Variants in NOS1 observed in about 807,000 individuals in gnomAD.
NOS1 encodes the protein NOS type I.
In NOS1, 51 loss-of-function variants were observed where a neutral mutation model predicts 164.5. The ratio of observed to expected loss-of-function variants is 0.31; its 90% confidence interval spans 0.25 to 0.39. The LOEUF (loss-of-function observed/expected upper bound fraction) is 0.39. NOS1 is among the 10% of genes least tolerant of loss of function. NOS1 has a pLI of 1.00. For missense variants in NOS1, 1,362 were observed against 1,885.6 expected, an observed-to-expected ratio of 0.72 and a Z score of 5.14; for synonymous variants, 719 against 745.8, an observed-to-expected ratio of 0.96 and a Z score of 0.59.
chr12:117,316,944 G>A (rs1044789704), intron 2 of NOS1, among the ~76,000 whole-genome samples: 1 of 152,106 alleles, frequency 6.6e-6, no homozygotes, highest in Non-Finnish European at 1.5e-5. Flanking sequence ...GCAGTGGCAC[G>A]ATCTCAGCTT....
intron 27 of NOS1, among the ~76,000 whole-genome samples, chr12:117,219,684 C>T (rs1956669923): frequency 6.6e-6 from 1 of 152,102 alleles, no homozygotes; most frequent in Non-Finnish European, 1.5e-5. Context: ...ACTAAAGAGA[C>T]TGAGTATATA....
chr12:117,257,607 C>CTTTTTT (rs151304592), intron 16 of NOS1, among the ~76,000 whole-genome samples: 10 of 99,128 alleles, frequency 1.0e-4, no homozygotes, highest in Non-Finnish European at 1.3e-4. Flanking sequence ...TTGATTTTAG[C>CTTTTTT]TTTTTTTTTT....
At position 117,226,868 on chromosome 12, in the gene NOS1, G is replaced by A. The variant is rs1010170781; in HGVS notation, c.3617-98C>T. On this transcript the variant is annotated intron_variant, in intron 23 of 28. Coordinates refer to ENST00000317775, the MANE Select transcript of NOS1 (RefSeq NM_000620.5). The stretch of plus-strand genomic sequence containing the variant: ...AAAATACCCACAGGCCCAGTGCCAA[G>A]TTTATCCTTTGGAATTCCTCCCCAG... 15 of 893,136 alleles carry A rather than the reference G, an allele frequency of 1.7e-5. No homozygotes were observed. In the East Asian group the frequency reaches 3.4e-4, roughly 20 times the overall value. The allele number at this position is 893,136 out of a possible 1,614,324, so 55.3% of individuals were successfully genotyped here. A position where few individuals can be genotyped will look rare whatever the true frequency, so the allele number is the denominator to read the frequency against.
Position 117,209,114 on chromosome 12 carries a change from C to A in NOS1, c.*6195G>T, listed in dbSNP as rs778897212. Reference sequence around the variant, plus strand: ...CTTTGGCAGCAGATAATGGAAACAACCACTGGGCTAGGCAAAGTTTCTGCT... The same window carrying A: ...CTTTGGCAGCAGATAATGGAAACAAACACTGGGCTAGGCAAAGTTTCTGCT... On this transcript the variant is annotated 3_prime_UTR_variant, in exon 29 of 29. Coordinates refer to ENST00000317775, the MANE Select transcript of NOS1 (RefSeq NM_000620.5). 2.0e-6 allele frequency: 2 copies of A among 985,356 alleles called. No individual in the cohort carries two copies. Among genetic ancestry groups the A allele is most frequent in the Non-Finnish European group, 2.4e-6 (2 of 829,920 alleles). The allele number at this position is 985,356 out of a possible 1,614,324, so 61.0% of individuals were successfully genotyped here.
intron 1 of NOS1, among the ~76,000 whole-genome samples, chr12:117,341,920 T>C (rs1184535153): frequency 6.6e-6 from 1 of 152,146 alleles, no homozygotes; most frequent in Non-Finnish European, 1.5e-5. Context: ...ATTTTTAGAG[T>C]CACTTTAGAT....
chr12:117,236,895 C>T (rs780874998), intron 20 of NOS1, among the ~76,000 whole-genome samples: 4 of 152,198 alleles, frequency 2.6e-5, no homozygotes, highest in Admixed American at 1.3e-4. Flanking sequence ...GGCATGGGAA[C>T]GTGGCTGGCA....
intron 11 of NOS1, 88 bp downstream of exon 11, chr12:117,267,955 G>T: frequency 1.1e-6 from 1 of 918,262 alleles, no homozygotes; most frequent in Non-Finnish European, 1.7e-6. Context: ...TTCTGGCAGT[G>T]AGGTCTCTTG....
Position 117,345,987 on chromosome 12 carries a change from G to C in NOS1, c.-420-14498C>G, listed in dbSNP as rs904518942. ...AATGAAGCAGCCCTGTGAGAGGTGAGAGGGAGCAGTGGGGACTGTAGAGAA... is the reference window on the plus strand; with the variant it reads ...AATGAAGCAGCCCTGTGAGAGGTGACAGGGAGCAGTGGGGACTGTAGAGAA... On this transcript the variant is annotated intron_variant, in intron 1 of 28. Coordinates refer to ENST00000317775, the MANE Select transcript of NOS1 (RefSeq NM_000620.5). Among the ~76,000 whole-genome samples, 17 of 152,372 alleles carry C rather than the reference G, an allele frequency of 1.1e-4. No homozygotes were observed. The South Asian group carries it at 2.9e-3, about 26-fold the overall frequency.
intron 2 of NOS1, among the ~76,000 whole-genome samples, chr12:117,312,122 G>A (rs947240788): frequency 1.3e-5 from 2 of 151,996 alleles, no homozygotes; most frequent in African/African-American, 2.4e-5. Flanking sequence ...AGAATGATTC[G>A]GAAAATAAAG....
At position 117,331,102 on chromosome 12, in the gene NOS1, A is replaced by G; in HGVS notation, c.-33T>C. On this transcript the variant is annotated 5_prime_UTR_variant, in exon 2 of 29. Transcript: ENST00000317775. ...AGCTTCCGAGGGGTCCTGTCTGAAG[A>G]CCTCACAATGCTATCAGGCCAAGAT... 6.3e-7 allele frequency: 1 copy of G among 1,579,852 alleles called. No homozygotes were observed. Among genetic ancestry groups the G allele is most frequent in the Non-Finnish European group, 8.6e-7 (1 of 1,160,932 alleles).
chr12:117,291,994 A>G (rs1278568289), intron 3 of NOS1, among the ~76,000 whole-genome samples: 1 of 152,208 alleles, frequency 6.6e-6, no homozygotes, highest in Non-Finnish European at 1.5e-5. Context: ...GGAGAAGATG[A>G]GCCAATGTTA....
chr12:117,217,534 G>A (rs745880989), intron 28 of NOS1, among the ~76,000 whole-genome samples: 28 of 152,008 alleles, frequency 1.8e-4, no homozygotes, highest in African/African-American at 2.4e-4. Flanking sequence ...GCGAAACCCC[G>A]TCTCTACTAA....
intron 3 of NOS1, among the ~76,000 whole-genome samples, chr12:117,306,755 G>C (rs1593009881): frequency 6.6e-6 from 1 of 151,988 alleles, no homozygotes; most frequent in African/African-American, 2.4e-5. Context: ...GAGTAGCTGA[G>C]ATTACAGGTG....
chr12:117,269,894 G>A (rs1872678635), intron 10 of NOS1, among the ~76,000 whole-genome samples: 1 of 152,254 alleles, frequency 6.6e-6, no homozygotes, highest in Middle Eastern at 3.4e-3. Context: ...TGGGTGCTCT[G>A]AGCTCATGAG....
intron 3 of NOS1, among the ~76,000 whole-genome samples, chr12:117,302,255 C>T (rs891466077): frequency 7.2e-5 from 11 of 152,186 alleles, no homozygotes; most frequent in African/African-American, 2.7e-4. Flanking sequence ...CTTGATGAGC[C>T]TATTAGCCCC....
At chr12:117,297,349 C>T (rs952633701) in intron 3 of NOS1, among the ~76,000 whole-genome samples, 3 of 152,168 alleles carry the variant, frequency 2.0e-5, no homozygotes, top group African/African-American at 2.4e-5. Flanking sequence ...AGGAGAGGAT[C>T]GGGGCAAAGG....
At chr12:117,269,890 C>A (rs1463262630) in intron 10 of NOS1, among the ~76,000 whole-genome samples, 1 of 152,176 alleles carries the variant, frequency 6.6e-6, no homozygotes, top group African/African-American at 2.4e-5. Context: ...GCCATGGGTG[C>A]TCTGAGCTCA....
Position 117,210,278 on chromosome 12 carries a change from T to C in NOS1, c.*5031A>G. On this transcript the variant is annotated 3_prime_UTR_variant, in exon 29 of 29. Transcript: ENST00000317775. ...CAGGCATGAACCACCATGCCTGGCC[T>C]ACTTTTTGAGCCAAAGAGGACATTT... 1.0e-6 allele frequency: 1 copy of C among 985,158 alleles called. No individual in the cohort carries two copies. Among genetic ancestry groups the C allele is most frequent in the Non-Finnish European group, 1.2e-6 (1 of 829,850 alleles). 61.0% of individuals were successfully genotyped at this position (985,158 alleles called of 1,614,324 possible). A position where few individuals can be genotyped will look rare whatever the true frequency, so the allele number is the denominator to read the frequency against.
intron 28 of NOS1, 42 bp downstream of exon 28, chr12:117,218,004 A>G (rs763692906): frequency 3.6e-5 from 50 of 1,399,422 alleles, no homozygotes; most frequent in Middle Eastern, 1.9e-4. Context: ...CCTAGAAGAG[A>G]GGGCTCTTCC....
Sources: allele counts gnomAD v4.1 joint callset (sites outside exome capture counted in the v4.1 genomes callset), GRCh38; gene constraint gnomAD v4.1.1; transcripts MANE v1.5; gene names NCBI Gene and HGNC (gene_info 2026-07-23, HGNC 2026-07-21).